The following FSHR variants were observed in gnomAD, a reference collection of about 807,000 sequenced individuals.
The protein encoded by FSHR is follicle-stimulating hormone receptor.
In FSHR, 46 loss-of-function variants were observed where a neutral mutation model predicts 52.1. The observed-to-expected ratio is 0.88, with a 90% CI of 0.70 to 1.13. The LOEUF is 1.13. Ranked by LOEUF, FSHR falls within the 50% of genes most tolerant of loss-of-function variation. FSHR has a pLI of 0.00. For synonymous variants in FSHR, 399 were observed against 309.6 expected, an observed-to-expected ratio of 1.29 and a Z score of -3.03; for missense variants, 964 against 834.6, an observed-to-expected ratio of 1.16 and a Z score of -1.91.
chr2:49,093,746 C>G (rs1670708728), intron 1 of FSHR, among the ~76,000 whole-genome samples: 1 of 152,032 alleles, frequency 6.6e-6, no homozygotes, highest in South Asian at 2.1e-4. Flanking sequence ...AGGCGTGCAC[C>G]ACCACGCCTG....
chr2:48,972,169 G>A (rs1206292749), intron 8 of FSHR, among the ~76,000 whole-genome samples: 2 of 152,128 alleles, frequency 1.3e-5, no homozygotes, highest in African/African-American at 4.8e-5. Flanking sequence ...CACCTTTCCA[G>A]TTGTTCATGC....
rs931229263 is a variant in FSHR at position 49,048,573 on chromosome 2, C to A, written c.224+19646G>T. On this transcript the variant is annotated intron_variant, in intron 2 of 9. Coordinates refer to ENST00000406846, the MANE Select transcript of FSHR (RefSeq NM_000145.4). ...CTTTTAACTTTTCAAAGCATGCTCA[C>A]GTCCAAGTGCATATTACGTGTTTAT... Among the ~76,000 whole-genome samples the A allele has an allele frequency of 4.6e-5, 7 of 152,214 alleles. No homozygotes were observed. In the East Asian group the frequency reaches 1.2e-3, roughly 25 times the overall value.
In FSHR at chr2:49,131,786, T is replaced by C. The variant is rs1672289378; in HGVS notation, c.152+22480A>G. Among the ~76,000 whole-genome samples the C allele has an allele frequency of 2.0e-5, 3 of 152,190 alleles. No homozygotes were observed. The South Asian group carries it at 6.2e-4, about 32-fold the overall frequency. ...AACAATTTCTTTGATTTGCTCCTGT[T>C]TGACTAGTTCTCCAGAAGTTCTTTC... On this transcript the variant is annotated intron_variant, in intron 1 of 9. Coordinates refer to ENST00000406846, the MANE Select transcript of FSHR (RefSeq NM_000145.4).
intron 1 of FSHR, among the ~76,000 whole-genome samples, chr2:49,085,872 C>G (rs1464823372): frequency 6.6e-6 from 1 of 151,700 alleles, no homozygotes; most frequent in Non-Finnish European, 1.5e-5. Flanking sequence ...GGACAAAAAA[C>G]CAAACACCGC....
chr2:48,993,147 T>C (rs1439048249), intron 4 of FSHR, among the ~76,000 whole-genome samples: 2 of 152,168 alleles, frequency 1.3e-5, no homozygotes, highest in Non-Finnish European at 2.9e-5. Context: ...TCTCACTACA[T>C]AGATCTTGCT....
Position 49,016,289 on chromosome 2 carries a change from A to G in FSHR, c.374+1200T>C, listed in dbSNP as rs964385732. 3.3e-5 allele frequency among the ~76,000 whole-genome samples: 5 copies of G among 152,272 alleles called. No homozygotes were observed. The East Asian group carries it at 9.6e-4, about 29-fold the overall frequency. ...TGGCTTCAATTCTGTATCCTTCCCT[A>G]TGCCTTGTGTTGTGACTTTGCAGCT... On this transcript the variant is annotated intron_variant, in intron 4 of 9. Transcript: ENST00000406846.
intron 2 of FSHR, among the ~76,000 whole-genome samples, chr2:49,021,886 T>TATATATATATATATAAAGAG (rs1273265515): frequency 8.0e-5 from 2 of 25,124 alleles, no homozygotes; most frequent in African/African-American, 2.9e-4. Context: ...TATATATATA[T>TATATATATATATATAAAGAG]AGAGAGAGAG....
At chr2:49,124,067 C>T (rs1195888493) in intron 1 of FSHR, among the ~76,000 whole-genome samples, 1 of 151,956 alleles carries the variant, frequency 6.6e-6, no homozygotes, top group Non-Finnish European at 1.5e-5. Flanking sequence ...TCACTGCATC[C>T]TCCACCTCCT....
At chr2:49,046,439 C>G (rs1038823618) in intron 2 of FSHR, among the ~76,000 whole-genome samples, 2 of 152,142 alleles carry the variant, frequency 1.3e-5, no homozygotes, top group Non-Finnish European at 2.9e-5. Context: ...CAACTGTGTG[C>G]TGATGGGCAA....
intron 2 of FSHR, among the ~76,000 whole-genome samples, chr2:49,043,101 T>G (rs73928400): frequency 0.14 from 22,016 of 152,156 alleles, 1,569 homozygotes; most frequent in Middle Eastern, 0.23. Context: ...ACACTGTTGT[T>G]TTTTCAGTAG....
chr2:48,992,659 A>G (rs933572034), intron 4 of FSHR, among the ~76,000 whole-genome samples: 10 of 151,760 alleles, frequency 6.6e-5, no homozygotes, highest in African/African-American at 2.4e-4. Context: ...CCAGGGGACA[A>G]TTGGTGGAGC....
At chr2:49,087,764 T>A (rs921424420) in intron 1 of FSHR, among the ~76,000 whole-genome samples, 9 of 152,154 alleles carry the variant, frequency 5.9e-5, no homozygotes, top group African/African-American at 2.2e-4. Flanking sequence ...GACTAATATA[T>A]CCTGTTATGC....
chr2:49,012,724 C>T (rs1667317779), intron 4 of FSHR, among the ~76,000 whole-genome samples: 1 of 152,112 alleles, frequency 6.6e-6, no homozygotes, highest in Admixed American at 6.6e-5. Context: ...CCACTGAATT[C>T]CTTCATCCAT....
intron 6 of FSHR, 38 bp downstream of exon 6, chr2:48,988,939 C>A: frequency 6.4e-7 from 1 of 1,551,404 alleles, no homozygotes; most frequent in South Asian, 1.1e-5. Context: ...AATGAAAAAT[C>A]AAATGTTACT....
At chr2:49,115,283 T>G (rs1671559591) in intron 1 of FSHR, among the ~76,000 whole-genome samples, 1 of 151,956 alleles carries the variant, frequency 6.6e-6, no homozygotes, top group Non-Finnish European at 1.5e-5. Flanking sequence ...GAACACAGCA[T>G]TTTTTAGATG....
At chr2:48,979,450 A>C (rs980947864) in intron 8 of FSHR, among the ~76,000 whole-genome samples, 2 of 151,884 alleles carry the variant, frequency 1.3e-5, no homozygotes, top group African/African-American at 4.8e-5. Context: ...ACACCCCCCC[A>C]AAACCTACTC....
At chr2:48,977,707 G>A (rs1446402310) in intron 8 of FSHR, among the ~76,000 whole-genome samples, 2 of 152,132 alleles carry the variant, frequency 1.3e-5, no homozygotes, top group East Asian at 3.8e-4. Flanking sequence ...AGTAGGTACT[G>A]TTTTCTGTTT....
intron 2 of FSHR, 41 bp downstream of exon 2, chr2:49,068,178 C>A: frequency 2.0e-6 from 3 of 1,508,072 alleles, no homozygotes; most frequent in Middle Eastern, 1.7e-4. Flanking sequence ...CTCCCTATAG[C>A]CCCCTTGAGG....
At chr2:49,127,092 C>A (rs1414568261) in intron 1 of FSHR, among the ~76,000 whole-genome samples, 2 of 152,130 alleles carry the variant, frequency 1.3e-5, no homozygotes, top group African/African-American at 4.8e-5. Context: ...GTTTGGGAGA[C>A]CGAGGCTGGT....
Sources: gnomAD v4.1 joint callset for allele counts (sites outside exome capture counted in the v4.1 genomes callset) on GRCh38, gnomAD v4.1.1 for gene constraint, MANE v1.5 for transcripts, NCBI Gene and HGNC (gene_info 2026-07-23, HGNC 2026-07-21) for gene names.